AAGAB: variants seen among roughly 807,000 people sequenced by gnomAD.
AAGAB encodes alpha- and gamma-adaptin-binding protein p34.
In AAGAB, 38 loss-of-function variants were observed where a neutral mutation model predicts 44.1. The ratio of observed to expected loss-of-function variants is 0.86; its 90% CI spans 0.67 to 1.13. The LOEUF (loss-of-function observed/expected upper bound fraction) is 1.13. Ranked by LOEUF, AAGAB falls within the 50% of genes most tolerant of loss-of-function variation. The pLI is 0.00. For synonymous variants in AAGAB, 131 were observed against 131.8 expected (o/e 0.99, Z 0.04); for missense variants, 450 against 373.8 (o/e 1.20, Z -1.68).
rs771537657 is a variant in AAGAB at position 67,209,511 on chromosome 15, A to G, written c.569T>C (p.Leu190Ser). The change falls in exon 6 of 10, where the codon TTG becomes TCG. Residue 190 changes from leucine (L) to serine (S), a missense_variant. Transcript: ENST00000261880. The stretch of plus-strand genomic sequence containing the variant: ...CCCAATGCTATGGTTTGTTCCAGTC[A>G]ATGAGTTGAGAAGGCTAAAGCCTTG... ...RNQGFSLLNS[L>S]TGTNHSIGSA... 2 of 1,614,204 alleles carry G rather than the reference A, an allele frequency of 1.2e-6. No individual in the cohort carries two copies. The highest frequency in any genetic ancestry group is 1.7e-6 in the Non-Finnish European group (2 of 1,180,018).
chr15:67,207,525 T>A (rs986383158), intron 7 of AAGAB, among the ~76,000 whole-genome samples: 4 of 152,258 alleles, frequency 2.6e-5, no homozygotes, highest in African/African-American at 9.6e-5. Context: ...CTATATTTTT[T>A]ATTTTCTATA....
intron 1 of AAGAB, among the ~76,000 whole-genome samples, chr15:67,240,070 C>CT (rs1426364300): frequency 6.6e-6 from 1 of 152,208 alleles, no homozygotes; most frequent in African/African-American, 2.4e-5. Flanking sequence ...ACTTGAGTCT[C>CT]TAATAATCAC....
At chr15:67,243,612 A>C (rs1248016203) in intron 1 of AAGAB, among the ~76,000 whole-genome samples, 2 of 152,190 alleles carry the variant, frequency 1.3e-5, no homozygotes, top group East Asian at 1.9e-4. Flanking sequence ...CCCACAAGAC[A>C]AGGAATTGTC....
chr15:67,224,753 G>T (rs1413826097), intron 5 of AAGAB, among the ~76,000 whole-genome samples: 2 of 151,844 alleles, frequency 1.3e-5, no homozygotes, highest in East Asian at 3.9e-4. Context: ...GCTAACTTTT[G>T]TATTTTTTGT....
rs1450985306 is a variant in AAGAB, at chr15:67,236,020, T to C, written c.410A>G (p.Glu137Gly). 1 of 1,613,636 alleles carries C rather than the reference T, an allele frequency of 6.2e-7. No individual in the cohort carries two copies. The highest frequency in any genetic ancestry group is 2.2e-5 in the East Asian group (1 of 44,810). Residue 137 changes from glutamate (E) to glycine (G), a missense_variant, in exon 4 of 10, where the codon GAA (glutamate) becomes GGA (glycine). Glu to Gly is a moderately conservative substitution (Grantham distance 98, BLOSUM62 -2). Transcript: ENST00000261880. ...AQEWCIKHGFELVELSPEELP... is the reference protein window; with the variant it reads ...AQEWCIKHGFGLVELSPEELP... ...CTCCTCTGGACTAAGTTCTACCAAT[T>C]CAAAGCCATGTTTGATGCACCATTC... is the stretch of plus-strand genomic sequence containing the variant.
chr15:67,248,346 A>G (rs1468906616), intron 1 of AAGAB, among the ~76,000 whole-genome samples: 1 of 152,236 alleles, frequency 6.6e-6, no homozygotes, highest in East Asian at 1.9e-4. Flanking sequence ...CTTGTGGTAC[A>G]TCTTGCTGGC....
intron 1 of AAGAB, among the ~76,000 whole-genome samples, chr15:67,248,344 A>G (rs1159932296): frequency 6.6e-6 from 1 of 152,226 alleles, no homozygotes; most frequent in East Asian, 1.9e-4. Flanking sequence ...CCCTTGTGGT[A>G]CATCTTGCTG....
chr15:67,253,533 C>T (rs1964952121), intron 1 of AAGAB, among the ~76,000 whole-genome samples: 1 of 151,914 alleles, frequency 6.6e-6, no homozygotes, highest in South Asian at 2.1e-4. Context: ...ACAGGAGGAT[C>T]ACTTGAAACC....
At chr15:67,206,471 C>T (rs1963687633) in intron 7 of AAGAB, among the ~76,000 whole-genome samples, 1 of 151,984 alleles carries the variant, frequency 6.6e-6, no homozygotes, top group Non-Finnish European at 1.5e-5. Context: ...CCTATGCTAC[C>T]AAGAACTATT....
At chr15:67,204,885 T>C (rs540719954) in intron 7 of AAGAB, among the ~76,000 whole-genome samples, 5 of 152,362 alleles carry the variant, frequency 3.3e-5, no homozygotes, top group East Asian at 1.9e-4. Context: ...TCTACACTTA[T>C]TGTTTCCAGA....
rs1963592698 is a variant in AAGAB at position 67,202,621 on chromosome 15, CCTCA to C, written c.*196_*199del. ...CCTCACTCATTACTATCACTGTATT[CCTCA>C]CTCTCTTACAATATACTGAGGAAAA... is the stretch of plus-strand genomic sequence containing the variant. On this transcript the variant is annotated 3_prime_UTR_variant, in exon 10 of 10. Transcript: ENST00000261880. 5.3e-6 allele frequency: 3 copies of C among 568,738 alleles called. No homozygotes were observed. In the East Asian group the frequency reaches 8.4e-5, roughly 16 times the overall value. 35.2% of individuals were successfully genotyped at this position (568,738 alleles called of 1,614,324 possible).
At chr15:67,242,091 A>C (rs1346825424) in intron 1 of AAGAB, among the ~76,000 whole-genome samples, 15 of 152,202 alleles carry the variant, frequency 9.9e-5, no homozygotes, top group Admixed American at 9.8e-4. Context: ...CAAAACCTAG[A>C]GTTTTCATTA....
In AAGAB at chr15:67,202,869, C is replaced by T; in HGVS notation, c.900G>A (p.Gly300=). ...KVAKAFWMAI[G]GDRDEIEGLS... is the part of the protein sequence containing the mutation. ...GGCCTTCAATTTCATCTCTGTCTCC[C>T]CCGATTGCCATCCAGAATGCTTTGG... The change falls in exon 10 of 10, where the codon GGG becomes GGA. Residue 300 remains glycine (G), a synonymous_variant. Coordinates refer to ENST00000261880, the MANE Select transcript of AAGAB (RefSeq NM_024666.5). 6.2e-7 allele frequency: 1 copy of T among 1,614,056 alleles called. No individual in the cohort carries two copies. The highest frequency in any genetic ancestry group is 1.6e-4 in the Middle Eastern group (1 of 6,062).
At chr15:67,254,875 G>A (rs939941137), upstream of AAGAB, 5 of 1,612,052 alleles carry the variant, frequency 3.1e-6, no homozygotes, top group Non-Finnish European at 3.4e-6. Context: ...CTCCGCGGAG[G>A]TAGCCGTTCC....
At chr15:67,223,819 T>G (rs1335495408) in intron 5 of AAGAB, among the ~76,000 whole-genome samples, 1 of 152,196 alleles carries the variant, frequency 6.6e-6, no homozygotes, top group African/African-American at 2.4e-5. Flanking sequence ...CTCTGACCTC[T>G]CCTGCTCAGC....
At chr15:67,246,872 G>A (rs764288064) in intron 1 of AAGAB, among the ~76,000 whole-genome samples, 10 of 152,200 alleles carry the variant, frequency 6.6e-5, no homozygotes, top group African/African-American at 1.7e-4. Context: ...GGATGTGGGC[G>A]GGGCCAAATA....
intron 5 of AAGAB, among the ~76,000 whole-genome samples, chr15:67,210,515 CAAA>C (rs1389837020): frequency 4.2e-5 from 4 of 95,960 alleles, no homozygotes; most frequent in Non-Finnish European, 4.3e-5. Flanking sequence ...GGCTCCGTCT[CAAA>C]AAAAAAAAAA....
rs1963576662 is a variant in AAGAB, at chr15:67,201,846, T to C, written c.*975A>G. On this transcript the variant is annotated 3_prime_UTR_variant, in exon 10 of 10. Transcript: ENST00000261880. ...GAAGGGCAGAGAGGAGCTACGAACC[T>C]TGGAAGAAAAACAAGGTGCTCAGGA... 6.6e-6 allele frequency: 1 copy of C among 152,286 alleles called. No individual in the cohort carries two copies. The highest frequency in any genetic ancestry group is 6.6e-5 in the Admixed American group (1 of 15,266). The allele number at this position is 152,286 out of a possible 1,614,324, so 9.4% of individuals were successfully genotyped here. A position where few individuals can be genotyped will look rare whatever the true frequency, so the allele number is the denominator to read the frequency against.
intron 4 of AAGAB, among the ~76,000 whole-genome samples, chr15:67,234,114 G>A (rs969063536): frequency 7.3e-5 from 11 of 151,398 alleles, no homozygotes; most frequent in African/African-American, 1.7e-4. Context: ...TTACCCAGGC[G>A]TGGTGGCGGG....
Sources: gnomAD v4.1 joint callset for allele counts (sites outside exome capture counted in the v4.1 genomes callset) on GRCh38, gnomAD v4.1.1 for gene constraint, MANE v1.5 for transcripts, NCBI Gene and HGNC (gene_info 2026-07-23, HGNC 2026-07-21) for gene names.